MUC3A: variants seen among roughly 807,000 people sequenced by gnomAD.
MUC3A encodes mucin-3A.
Under a neutral mutation model 109.0 loss-of-function variants are expected in MUC3A, and 109 were observed. The observed-to-expected ratio is 1.00, with a 90% CI of 0.86 to 1.17. The LOEUF is 1.17. Among genes scored for constraint, MUC3A ranks in the 50% most tolerant of loss-of-function variants. The probability of loss-of-function intolerance (pLI) is 0.00; values close to 1 mark genes in which losing one functional copy is unlikely to be tolerated. For synonymous variants in MUC3A, 1,398 were observed against 981.4 expected, an observed-to-expected ratio of 1.42 and a Z score of -7.93; for missense variants, 3,537 against 2,469.4, an observed-to-expected ratio of 1.43 and a Z score of -9.16.
rs528134042 is a variant in MUC3A, at chr7:100,959,351, C to T, written c.7572C>T (p.His2524=). The change falls in exon 2 of 12, where the codon CAC becomes CAT. Residue 2524 remains histidine (H), a synonymous_variant. Coordinates refer to ENST00000379458, the MANE Select transcript of MUC3A (RefSeq NM_005960.2). Reference sequence around the variant, plus strand: ...TCAGTACCTTACCAACTCGAACACACATCATTTCATCTTCTCCCTCCATCC... The same window carrying T: ...TCAGTACCTTACCAACTCGAACACATATCATTTCATCTTCTCCCTCCATCC... ...TDISTLPTRT[H]IISSSPSIQS... 9 of 1,541,576 alleles carry T rather than the reference C, an allele frequency of 5.8e-6. No homozygotes were observed. In the African/African-American group the frequency reaches 9.5e-5, roughly 16 times the overall value.
intron 4 of MUC3A, 146 bp from the exon 5 acceptor site, chr7:100,963,542 C>T (rs1463174978): frequency 5.4e-6 from 7 of 1,290,758 alleles, no homozygotes; most frequent in East Asian, 2.5e-5. Context: ...GCCTCGTCCT[C>T]CCAAAGTGTT....
rs755764373 is a variant in MUC3A at position 100,952,134 on chromosome 7, G to A, written c.355G>A (p.Val119Met). The stretch of plus-strand genomic sequence containing the variant: ...CAAGGTTGAAACCACTCCACCCACC[G>A]TGTTGGTCTATTCAGCCACCACTGA... ...AFKVETTPPT[V>M]LVYSATTECV... Residue 119 changes from valine to methionine, a missense_variant, in exon 2 of 12, where the codon GTG (valine) becomes ATG (methionine). Coordinates refer to ENST00000379458, the MANE Select transcript of MUC3A (RefSeq NM_005960.2). 6.3e-6 allele frequency: 10 copies of A among 1,598,402 alleles called. No homozygotes were observed. Among genetic ancestry groups the A allele is most frequent in the African/African-American group, 2.7e-5 (2 of 74,956 alleles).
In MUC3A at chr7:100,965,786, C is replaced by A. The variant is rs749793695; in HGVS notation, c.9531C>A (p.Thr3177=). 12 of 1,597,910 alleles carry A rather than the reference C, an allele frequency of 7.5e-6. No homozygotes were observed. In the South Asian group the frequency reaches 8.8e-5, roughly 12 times the overall value. ...AGGCCACCCGGCTCCGCTGTGTCACCAAATGCACGTCGGGGGTGGACAACG... is the reference window on the plus strand; with the variant it reads ...AGGCCACCCGGCTCCGCTGTGTCACAAAATGCACGTCGGGGGTGGACAACG... ...LVEATRLRCV[T]KCTSGVDNAI... The change falls in exon 8 of 12, where the codon ACC becomes ACA. Residue 3177 remains threonine, a synonymous_variant. Coordinates refer to ENST00000379458, the MANE Select transcript of MUC3A (RefSeq NM_005960.2).
rs1203640997 is a variant in MUC3A, at chr7:100,958,115, C to G, written c.6336C>G (p.Ser2112=). ...TTSHSTPSFT[S]SITTSEMPSH... ...CACACAGTACTCCCAGCTTCACTTC[C>G]TCAATCACCACCTCTGAGATGCCCT... The change falls in exon 2 of 12, where the codon TCC becomes TCG. Residue 2112 remains serine (S), a synonymous_variant. Transcript: ENST00000379458. 9 of 210,454 alleles carry G rather than the reference C, an allele frequency of 4.3e-5. No homozygotes were observed. The African/African-American group carries it at 1.0e-3, about 24-fold the overall frequency. The allele number at this position is 210,454 out of a possible 1,614,324, so 13.0% of individuals were successfully genotyped here.
rs990189680 is a variant in MUC3A at position 100,952,033 on chromosome 7, C to G, written c.254C>G (p.Thr85Arg). 32 of 1,598,560 alleles carry G rather than the reference C, an allele frequency of 2.0e-5. No homozygotes were observed. The highest frequency in any genetic ancestry group is 2.7e-5 in the Non-Finnish European group (32 of 1,179,824). ...PMTLTTSPHD[T>R]LISETLLNSP... ...ACACTCACTACCTCCCCCCATGACACACTCATCTCTGAAACATTGCTCAAC... is the reference window on the plus strand; with the variant it reads ...ACACTCACTACCTCCCCCCATGACAGACTCATCTCTGAAACATTGCTCAAC... Residue 85 changes from threonine (T) to arginine (R), a missense_variant, in exon 2 of 12, where the codon ACA becomes AGA. By Grantham distance (71) the Thr-to-Arg change is moderately conservative (BLOSUM62 -1). Transcript: ENST00000379458.
Position 100,965,587 on chromosome 7 carries a change from A to G in MUC3A, c.9449-117A>G, listed in dbSNP as rs1792504778. On this transcript the variant is annotated intron_variant, in intron 7 of 11. Transcript: ENST00000379458. ...CATCGAATCCCAGGGTCTACCCCAC[A>G]GCATCCCACCTCGGAAATGGAATCC... 26 of 1,505,312 alleles carry G rather than the reference A, an allele frequency of 1.7e-5. No individual in the cohort carries two copies. The South Asian group carries it at 3.0e-4, about 17-fold the overall frequency. The allele number at this position is 1,505,312 out of a possible 1,614,324, so 93.2% of individuals were successfully genotyped here.
At chr7:100,950,145 C>CAT (rs1227031387) in intron 1 of MUC3A, among the ~76,000 whole-genome samples, 868 of 151,658 alleles carry the variant, frequency 5.7e-3, no homozygotes, top group Non-Finnish European at 7.3e-3. Flanking sequence ...TGGTCTCGGT[C>CAT]CTCTGGTTTC....
chr7:100,958,668 A>AGTGAGACCCCCTCACACAGTACTC lies in MUC3A; in HGVS notation c.6889_6890insGTGAGACCCCCTCACACAGTACTC (p.Thr2297delinsSerGluThrProSerHisSerThrPro), dbSNP rs1792178481. The AGTGAGACCCCCTCACACAGTACTC allele has an allele frequency of 6.8e-7, 1 of 1,478,066 alleles. No homozygotes were observed. The highest frequency in any genetic ancestry group is 9.3e-7 in the Non-Finnish European group (1 of 1,079,212). 91.6% of individuals were successfully genotyped at this position (1,478,066 alleles called of 1,614,324 possible). The stretch of plus-strand genomic sequence containing the variant: ...CAGCTCCACTTCTTTAATCACCACC[A>AGTGAGACCCCCTCACACAGTACTC]CCAAGACCACCTCACACAGTACTCC... On this transcript the variant is annotated protein_altering_variant, in exon 2 of 12. Coordinates refer to ENST00000379458, the MANE Select transcript of MUC3A (RefSeq NM_005960.2).
In MUC3A at chr7:100,960,235, T is replaced by C. The variant is rs1289335626; in HGVS notation, c.8456T>C (p.Ile2819Thr). The change falls in exon 2 of 12, where the codon ATC (isoleucine) becomes ACC (threonine). Residue 2819 changes from isoleucine (I) to threonine (T), a missense_variant. Physicochemically the swap from Ile to Thr is moderately conservative, Grantham distance 89 (BLOSUM62 -1). Coordinates refer to ENST00000379458, the MANE Select transcript of MUC3A (RefSeq NM_005960.2). Reference sequence around the variant, plus strand: ...GAAATGGTCACCTGTCCTACCTCCATCAGTATCCAAACTACTCTTACTACA... The same window carrying C: ...GAAATGGTCACCTGTCCTACCTCCACCAGTATCCAAACTACTCTTACTACA... Reference protein sequence around the residue: ...TTEMVTCPTSISIQTTLTTYM... With the variant: ...TTEMVTCPTSTSIQTTLTTYM... The C allele has an allele frequency of 2.5e-6, 4 of 1,598,184 alleles. No individual in the cohort carries two copies. In the Admixed American group the frequency reaches 6.7e-5, roughly 27 times the overall value.
Position 100,958,399 on chromosome 7 carries a change from C to T in MUC3A, c.6620C>T (p.Thr2207Ile). ...TCACACAGTACTCCCAGCTACATTA[C>T]CTCAATCACCACCACCGAGACCCCC... ...TTSHSTPSYI[T>I]SITTTETPSS... Residue 2207 changes from threonine (T) to isoleucine (I), a missense_variant, in exon 2 of 12, where the codon ACC becomes ATC. Transcript: ENST00000379458. 1 of 1,421,684 alleles carries T rather than the reference C, an allele frequency of 7.0e-7. No individual in the cohort carries two copies. Among genetic ancestry groups the T allele is most frequent in the Non-Finnish European group, 9.6e-7 (1 of 1,036,634 alleles). 88.1% of individuals were successfully genotyped at this position (1,421,684 alleles called of 1,614,324 possible).
chr7:100,958,663 C>T lies in MUC3A; in HGVS notation c.6884C>T (p.Thr2295Ile), dbSNP rs1584803790. The change falls in exon 2 of 12, where the codon ACC (threonine) becomes ATC (isoleucine). Residue 2295 changes from threonine to isoleucine, a missense_variant. By Grantham distance (89) the Thr-to-Ile change is moderately conservative. Coordinates refer to ENST00000379458, the MANE Select transcript of MUC3A (RefSeq NM_005960.2). Reference protein sequence around the residue: ...HSTPSSTSLITTTKTTSHSTP... With the variant: ...HSTPSSTSLIITTKTTSHSTP... Reference sequence around the variant, plus strand: ...ACTCCCAGCTCCACTTCTTTAATCACCACCACCAAGACCACCTCACACAGT... The same window carrying T: ...ACTCCCAGCTCCACTTCTTTAATCATCACCACCAAGACCACCTCACACAGT... The T allele has an allele frequency of 1.3e-6, 2 of 1,570,538 alleles. No individual in the cohort carries two copies. Among genetic ancestry groups the T allele is most frequent in the Non-Finnish European group, 1.7e-6 (2 of 1,159,234 alleles).
Position 100,953,850 on chromosome 7 carries a change from A to G in MUC3A, c.2071A>G (p.Ile691Val). ...CACCATAAACACAATCCCTCCATCT[A>G]TCTTGGTGACCACACTCCCCACTCC... ...SGTINTIPPS[I>V]LVTTLPTPNA... Residue 691 changes from isoleucine (I) to valine (V), a missense_variant, in exon 2 of 12, where the codon ATC becomes GTC. Physicochemically the swap from Ile to Val is conservative, Grantham distance 29. Transcript: ENST00000379458. 4 of 435,578 alleles carry G rather than the reference A, an allele frequency of 9.2e-6. No individual in the cohort carries two copies. The highest frequency in any genetic ancestry group is 3.5e-5 in the East Asian group (1 of 28,372). The allele number at this position is 435,578 out of a possible 1,614,324, so 27.0% of individuals were successfully genotyped here. A position where few individuals can be genotyped will look rare whatever the true frequency, so the allele number is the denominator to read the frequency against.
At position 100,959,933 on chromosome 7, in the gene MUC3A, T is replaced by A. The variant is rs1584806511; in HGVS notation, c.8154T>A (p.Ser2718Arg). 6.6e-7 allele frequency: 1 copy of A among 1,512,536 alleles called. No individual in the cohort carries two copies. Among genetic ancestry groups the A allele is most frequent in the Non-Finnish European group, 8.8e-7 (1 of 1,141,646 alleles). The allele number at this position is 1,512,536 out of a possible 1,614,324, so 93.7% of individuals were successfully genotyped here. A position where few individuals can be genotyped will look rare whatever the true frequency, so the allele number is the denominator to read the frequency against. ...TTCCTTCTTCACCATACATTTTCAGTACAGAAAATGTGGGCTCCGCTTCTA... is the reference window on the plus strand; with the variant it reads ...TTCCTTCTTCACCATACATTTTCAGAACAGAAAATGTGGGCTCCGCTTCTA... ...HSVPSSPYIF[S>R]TENVGSASIT... Residue 2718 changes from serine (S) to arginine (R), a missense_variant, in exon 2 of 12, where the codon AGT becomes AGA. Transcript: ENST00000379458.
Position 100,954,229 on chromosome 7 carries a change from G to C in MUC3A, c.2450G>C (p.Gly817Ala). 5 of 453,306 alleles carry C rather than the reference G, an allele frequency of 1.1e-5. No individual in the cohort carries two copies. Among genetic ancestry groups the C allele is most frequent in the Non-Finnish European group, 1.9e-5 (5 of 261,460 alleles). 28.1% of individuals were successfully genotyped at this position (453,306 alleles called of 1,614,324 possible). The change falls in exon 2 of 12, where the codon GGT becomes GCT. Residue 817 changes from glycine to alanine, a missense_variant. Gly to Ala is a moderately conservative substitution (Grantham distance 60). Transcript: ENST00000379458. ...ATGATCTCATCTACTGTGAGTACAG[G>C]TATCCCTACCTCACAACCAACAACC... ...TSMISSTVST[G>A]IPTSQPTTIT...
rs1266674330 is a variant in MUC3A, at chr7:100,955,120, C to T, written c.3341C>T (p.Thr1114Ile). 3 of 614,320 alleles carry T rather than the reference C, an allele frequency of 4.9e-6. No homozygotes were observed. In the African/African-American group the frequency reaches 5.7e-5, roughly 12 times the overall value. The allele number at this position is 614,320 out of a possible 1,614,324, so 38.1% of individuals were successfully genotyped here. ...ACAAGTATAACAGGTACATTGTCCA[C>T]TGCCACTACTCTCCCACCCACCTCT... is the stretch of plus-strand genomic sequence containing the variant. ...YSTSITGTLS[T>I]ATTLPPTSSS... The change falls in exon 2 of 12, where the codon ACT (threonine) becomes ATT (isoleucine). Residue 1114 changes from threonine (T) to isoleucine (I), a missense_variant. Coordinates refer to ENST00000379458, the MANE Select transcript of MUC3A (RefSeq NM_005960.2).
chr7:100,959,317 C>T lies in MUC3A; in HGVS notation c.7538C>T (p.Pro2513Leu), dbSNP rs1271758766. 1 of 1,569,482 alleles carries T rather than the reference C, an allele frequency of 6.4e-7. No individual in the cohort carries two copies. Residue 2513 changes from proline (P) to leucine (L), a missense_variant, in exon 2 of 12, where the codon CCC (proline) becomes CTC (leucine). By Grantham distance (98) the Pro-to-Leu change is moderately conservative (BLOSUM62 -3). Coordinates refer to ENST00000379458, the MANE Select transcript of MUC3A (RefSeq NM_005960.2). ...ACAACCACAGACTTTCCCTCTATAC[C>T]CACTGATATCAGTACCTTACCAACT... ...LTTTTDFPSI[P>L]TDISTLPTRT...
Position 100,958,968 on chromosome 7 carries a change from A to T in MUC3A, c.7189A>T (p.Thr2397Ser). ...HSTPGLTSWV[T>S]TTKTTSHITP... is the part of the protein sequence containing the mutation. ...TACTCCTGGCCTCACTTCGTGGGTC[A>T]CCACCACCAAGACCACCTCACACAT... The change falls in exon 2 of 12, where the codon ACC becomes TCC. Residue 2397 changes from threonine (T) to serine (S), a missense_variant. By Grantham distance (58) the Thr-to-Ser change is moderately conservative. Coordinates refer to ENST00000379458, the MANE Select transcript of MUC3A (RefSeq NM_005960.2). The T allele has an allele frequency of 7.1e-7, 1 of 1,414,424 alleles. No individual in the cohort carries two copies. The highest frequency in any genetic ancestry group is 9.2e-7 in the Non-Finnish European group (1 of 1,091,988). The allele number at this position is 1,414,424 out of a possible 1,614,324, so 87.6% of individuals were successfully genotyped here.
chr7:100,954,186 A>C lies in MUC3A; in HGVS notation c.2407A>C (p.Met803Leu). ...ITSVPTTLGT[M>L]VTSTSMISST... The stretch of plus-strand genomic sequence containing the variant: ...CTCAGTTCCCACTACGTTGGGTACC[A>C]TGGTAACTTCTACATCCATGATCTC... The change falls in exon 2 of 12, where the codon ATG becomes CTG. Residue 803 changes from methionine (M) to leucine (L), a missense_variant. Met to Leu is a conservative substitution (Grantham distance 15). Transcript: ENST00000379458. 1.8e-6 allele frequency: 1 copy of C among 544,100 alleles called. No homozygotes were observed. The highest frequency in any genetic ancestry group is 3.2e-6 in the Non-Finnish European group (1 of 310,854). The allele number at this position is 544,100 out of a possible 1,614,324, so 33.7% of individuals were successfully genotyped here.
Position 100,960,854 on chromosome 7 carries a change from GT to G in MUC3A, c.8970del (p.Gln2991SerfsTer27). 6.3e-7 allele frequency: 1 copy of G among 1,598,528 alleles called. No individual in the cohort carries two copies. Among genetic ancestry groups the G allele is most frequent in the Non-Finnish European group, 8.5e-7 (1 of 1,179,808 alleles). On this transcript the variant is annotated frameshift_variant, in exon 3 of 12. Coordinates refer to ENST00000379458, the MANE Select transcript of MUC3A (RefSeq NM_005960.2). LOFTEE classifies it high-confidence loss of function. ...CQLQTRCQNG[G>X]QWDGLKCQCP... ...CTCCAGACCAGATGCCAGAATGGGG[GT>G]CAGTGGGATGGCCTCAAATGCCAGT... is the stretch of plus-strand genomic sequence containing the variant.
Sources: gnomAD v4.1 joint callset for allele counts (sites outside exome capture counted in the v4.1 genomes callset) on GRCh38, gnomAD v4.1.1 for gene constraint, MANE v1.5 for transcripts, NCBI Gene and HGNC (gene_info 2026-07-23, HGNC 2026-07-21) for gene names.